TRIO: variants seen among roughly 807,000 people sequenced by gnomAD.
The protein encoded by TRIO is triple functional domain protein.
Under a neutral mutation model 351.9 loss-of-function variants are expected in TRIO, and 58 were observed. The ratio of observed to expected loss-of-function variants is 0.16; its 90% CI spans 0.13 to 0.21. The LOEUF (loss-of-function observed/expected upper bound fraction) is 0.21. Ranked by LOEUF, TRIO falls within the 10% of genes least tolerant of loss-of-function variation. TRIO has a pLI of 1.00. For missense variants in TRIO, 3,201 were observed against 4,027.8 expected (o/e 0.79, Z 5.56); for synonymous variants, 1,758 against 1,595.7 (o/e 1.10, Z -2.42).
At chr5:14,209,427 T>C (rs1468890574) in intron 1 of TRIO, among the ~76,000 whole-genome samples, 1 of 152,260 alleles carries the variant, frequency 6.6e-6, no homozygotes, top group Non-Finnish European at 1.5e-5. Flanking sequence ...TCACGTGTCA[T>C]GTCTCTACTC....
At chr5:14,155,743 C>G (rs927355369) in intron 1 of TRIO, among the ~76,000 whole-genome samples, 1 of 152,190 alleles carries the variant, frequency 6.6e-6, no homozygotes, top group Non-Finnish European at 1.5e-5. Flanking sequence ...TCCACTGTCC[C>G]ACTGTGGTGA....
At chr5:14,468,520 C>T (rs920040925) in intron 37 of TRIO, among the ~76,000 whole-genome samples, 2 of 152,230 alleles carry the variant, frequency 1.3e-5, no homozygotes, top group African/African-American at 4.8e-5. Flanking sequence ...CCAGGGAATG[C>T]GATCTAAATT....
At chr5:14,182,348 G>A (rs1415581645) in intron 1 of TRIO, among the ~76,000 whole-genome samples, 1 of 152,200 alleles carries the variant, frequency 6.6e-6, no homozygotes, top group Non-Finnish European at 1.5e-5. Context: ...GGATCTTAAT[G>A]TTAGTCTTTG....
chr5:14,417,162 A>G (rs1749717397), intron 33 of TRIO, among the ~76,000 whole-genome samples: 1 of 152,192 alleles, frequency 6.6e-6, no homozygotes, highest in African/African-American at 2.4e-5. Flanking sequence ...TGAGCTTTTA[A>G]CATTAGCATC....
At chr5:14,246,104 C>A (rs1323262611) in intron 1 of TRIO, among the ~76,000 whole-genome samples, 1 of 152,196 alleles carries the variant, frequency 6.6e-6, no homozygotes, top group Non-Finnish European at 1.5e-5. Context: ...TCACCTTAAA[C>A]CATTTCTTCT....
intron 8 of TRIO, among the ~76,000 whole-genome samples, chr5:14,311,435 G>A (rs568147504): frequency 1.3e-5 from 2 of 152,304 alleles, no homozygotes; most frequent in Non-Finnish European, 2.9e-5. Flanking sequence ...AGCTTTCTCT[G>A]TGTTCTCCCT....
chr5:14,383,384 GC>G lies in TRIO; in HGVS notation c.3570+2134del, dbSNP rs560854948. On this transcript the variant is annotated intron_variant, in intron 21 of 56. Transcript: ENST00000344204. ...GCCTGCTCACTGCCCAGCTCCAGGG[GC>G]CATGCATGGGGGATGTGATGTACAC... is the stretch of plus-strand genomic sequence containing the variant. 4.9e-3 allele frequency among the ~76,000 whole-genome samples: 746 copies of G among 152,304 alleles called. 7 individuals are homozygous for G. Among genetic ancestry groups the G allele is most frequent in the South Asian group, 0.01 (49 of 4,826 alleles).
chr5:14,421,662 A>T (rs1308617343), intron 34 of TRIO, among the ~76,000 whole-genome samples: 1 of 151,938 alleles, frequency 6.6e-6, no homozygotes, highest in African/African-American at 2.4e-5. Context: ...GCGCAGCAAC[A>T]GACAGCAGGT....
intron 53 of TRIO, 86 bp from the exon 54 acceptor site, chr5:14,502,493 C>G: frequency 7.2e-7 from 1 of 1,386,868 alleles, no homozygotes; most frequent in South Asian, 1.2e-5. Flanking sequence ...CGCGCAGCTG[C>G]TGTGAGGGAC....
chr5:14,264,552 T>C (rs1697168), intron 1 of TRIO, among the ~76,000 whole-genome samples: 10,157 of 152,172 alleles, frequency 0.067, 417 homozygotes, highest in African/African-American at 0.11. Context: ...CATTGTATTA[T>C]GTTTTGATTT....
chr5:14,302,316 T>A (rs1005255028), intron 7 of TRIO, among the ~76,000 whole-genome samples: 1 of 152,242 alleles, frequency 6.6e-6, no homozygotes, highest in Non-Finnish European at 1.5e-5. Flanking sequence ...TCCTCTTGGT[T>A]TTGGGTGTTC....
intron 45 of TRIO, chr5:14,481,904 T>G (rs1175500294): frequency 2.8e-6 from 1 of 353,818 alleles, no homozygotes; most frequent in African/African-American, 2.2e-5. Context: ...CTGTAAGAGC[T>G]GAGTTTCCTT....
chr5:14,441,845 T>C (rs1752077681), intron 34 of TRIO, among the ~76,000 whole-genome samples: 1 of 152,158 alleles, frequency 6.6e-6, no homozygotes, highest in African/African-American at 2.4e-5. Flanking sequence ...CAAAGTTAGC[T>C]GGGGAGAGGG....
intron 9 of TRIO, among the ~76,000 whole-genome samples, chr5:14,329,071 A>T (rs1405442215): frequency 6.6e-6 from 1 of 152,134 alleles, no homozygotes; most frequent in African/African-American, 2.4e-5. Flanking sequence ...AGGCTCTGAT[A>T]CTCACCAGCT....
At chr5:14,471,586 C>A in intron 38 of TRIO, 120 bp downstream of exon 38, 1 of 1,319,062 alleles carries the variant, frequency 7.6e-7, no homozygotes, top group African/African-American at 1.5e-5. Context: ...CAGGGCCTCT[C>A]ATTAAGTAAC....
At chr5:14,146,312 TTGAC>T (rs1787520393) in intron 1 of TRIO, among the ~76,000 whole-genome samples, 1 of 152,192 alleles carries the variant, frequency 6.6e-6, no homozygotes, top group Admixed American at 6.5e-5. Flanking sequence ...TAGGTTCTCA[TTGAC>T]TGGGGAGGAC....
chr5:14,404,957 G>A (rs776014473), intron 31 of TRIO, among the ~76,000 whole-genome samples: 8 of 152,000 alleles, frequency 5.3e-5, no homozygotes, highest in Admixed American at 2.6e-4. Context: ...GAGTTATGAC[G>A]GGTTAATTAT....
intron 5 of TRIO, among the ~76,000 whole-genome samples, 165 bp downstream of exon 5, chr5:14,291,393 C>T (rs552439085): frequency 3.1e-4 from 47 of 151,822 alleles, no homozygotes; most frequent in Admixed American, 7.9e-4. Flanking sequence ...ATCTGTTTTC[C>T]GGTTTTACTC....
At chr5:14,369,091 G>C (rs778421364) in intron 17 of TRIO, among the ~76,000 whole-genome samples, 192 bp downstream of exon 17, 1 of 152,166 alleles carries the variant, frequency 6.6e-6, no homozygotes, top group Non-Finnish European at 1.5e-5. Context: ...AAGCTAGAAA[G>C]TAGCTGAGAA....
Sources: allele counts gnomAD v4.1 joint callset (sites outside exome capture counted in the v4.1 genomes callset), GRCh38; gene constraint gnomAD v4.1.1; transcripts MANE v1.5; gene names NCBI Gene and HGNC (gene_info 2026-07-23, HGNC 2026-07-21).